ATRNL1: variants seen among roughly 807,000 people sequenced by gnomAD.
ATRNL1 encodes attractin like 1, also known as attractin-like protein 1.
A neutral mutation model predicts 182.7 loss-of-function variants in ATRNL1; 95 were observed. That is an observed-to-expected ratio of 0.52 (90% CI 0.44 to 0.62). ATRNL1 has a LOEUF of 0.62. ATRNL1 is among the 20% of genes least tolerant of loss of function. The pLI, the probability that ATRNL1 is intolerant of heterozygous loss-of-function variation, is 0.00. For missense variants in ATRNL1, 1,471 were observed against 1,679.5 expected, an observed-to-expected ratio of 0.88 and a Z score of 2.17; for synonymous variants, 576 against 568.3, an observed-to-expected ratio of 1.01 and a Z score of -0.19.
chr10:115,541,018 T>C (rs1852330681), intron 25 of ATRNL1, among the ~76,000 whole-genome samples: 1 of 152,188 alleles, frequency 6.6e-6, no homozygotes, highest in South Asian at 2.1e-4. Context: ...CATTAGAATA[T>C]AGAATGGATT....
At chr10:115,920,585 C>G (rs1953021647) in intron 28 of ATRNL1, among the ~76,000 whole-genome samples, 1 of 152,146 alleles carries the variant, frequency 6.6e-6, no homozygotes, top group South Asian at 2.1e-4. Flanking sequence ...GACTCATTTG[C>G]TAAAGGTCCC....
chr10:115,557,429 A>G lies in ATRNL1; in HGVS notation c.3795+7893A>G, dbSNP rs150140988. On this transcript the variant is annotated intron_variant, in intron 26 of 28. Transcript: ENST00000355044. Reference sequence around the variant, plus strand: ...GACAAGCACCCAGCATGAATACTGGAAAGCAGCTACCAATGAAGGTGGAGA... The same window carrying G: ...GACAAGCACCCAGCATGAATACTGGGAAGCAGCTACCAATGAAGGTGGAGA... Among the ~76,000 whole-genome samples the G allele has an allele frequency of 2.0e-4, 31 of 152,300 alleles. 1 individual carries two copies. The East Asian group carries it at 6.0e-3, about 29-fold the overall frequency.
rs1299663886 is a variant in ATRNL1 at position 115,200,965 on chromosome 10, T to C, written c.1349-14732T>C. Among the ~76,000 whole-genome samples the C allele has an allele frequency of 2.0e-3, 310 of 151,416 alleles. 1 individual carries two copies. Among genetic ancestry groups the C allele is most frequent in the African/African-American group, 7.3e-3 (300 of 41,354 alleles). On this transcript the variant is annotated intron_variant, in intron 8 of 28. Coordinates refer to ENST00000355044, the MANE Select transcript of ATRNL1 (RefSeq NM_207303.4). ...TCTCATTGTGGTTTTGATTTGCATT[T>C]CTCTGATGGCCAGTGATGATGAGCA...
At chr10:115,718,323 T>C (rs1947318347) in intron 26 of ATRNL1, among the ~76,000 whole-genome samples, 2 of 150,718 alleles carry the variant, frequency 1.3e-5, no homozygotes, top group Admixed American at 1.3e-4. Flanking sequence ...GCAATTTTTT[T>C]CCATAATACT....
At chr10:115,395,902 G>T (rs1315799277) in intron 20 of ATRNL1, among the ~76,000 whole-genome samples, 2 of 150,946 alleles carry the variant, frequency 1.3e-5, no homozygotes, top group Non-Finnish European at 3.0e-5. Context: ...TTTATATTAG[G>T]TATATATGTA....
intron 27 of ATRNL1, among the ~76,000 whole-genome samples, chr10:115,798,139 G>T (rs1362948731): frequency 1.3e-5 from 2 of 151,980 alleles, no homozygotes; most frequent in Non-Finnish European, 2.9e-5. Context: ...GGATGGTCTC[G>T]ATCTCCTGAC....
rs556554667 is a variant in ATRNL1 at position 115,912,444 on chromosome 10, A to G, written c.4019-32214A>G. Among the ~76,000 whole-genome samples, 517 of 150,998 alleles carry G rather than the reference A, an allele frequency of 3.4e-3. 3 individuals carry two copies. The Middle Eastern group carries it at 0.051, about 15-fold the overall frequency. The stretch of plus-strand genomic sequence containing the variant: ...TGTGTGTGTGTGTGTGTGTGTGCAT[A>G]TGATGAAACAGGCACATTTTAAAAA... On this transcript the variant is annotated intron_variant, in intron 28 of 28. Transcript: ENST00000355044.
chr10:115,239,296 G>A (rs948263919), intron 9 of ATRNL1, among the ~76,000 whole-genome samples: 1 of 151,838 alleles, frequency 6.6e-6, no homozygotes, highest in Non-Finnish European at 1.5e-5. Context: ...GCAGTGGTGC[G>A]ATCTCAGCTC....
intron 26 of ATRNL1, among the ~76,000 whole-genome samples, chr10:115,656,593 C>A (rs1860349139): frequency 6.6e-6 from 1 of 152,022 alleles, no homozygotes; most frequent in Non-Finnish European, 1.5e-5. Flanking sequence ...CCACCCACCA[C>A]CCTGAACTGG....
chr10:115,749,597 A>C (rs1347194124), intron 27 of ATRNL1, among the ~76,000 whole-genome samples: 2 of 151,944 alleles, frequency 1.3e-5, no homozygotes, highest in African/African-American at 4.8e-5. Context: ...AATAATGTTT[A>C]AAACTGATCT....
chr10:115,497,818 C>T (rs1266879056), intron 24 of ATRNL1, among the ~76,000 whole-genome samples: 3 of 151,988 alleles, frequency 2.0e-5, no homozygotes, highest in Non-Finnish European at 4.4e-5. Context: ...CCACCATGTC[C>T]AGCTAATTTT....
intron 25 of ATRNL1, among the ~76,000 whole-genome samples, chr10:115,536,457 C>A (rs987515701): frequency 6.6e-6 from 1 of 152,176 alleles, no homozygotes; most frequent in Non-Finnish European, 1.5e-5. Flanking sequence ...TTTTTAAGCC[C>A]GTCGGAAATG....
intron 20 of ATRNL1, among the ~76,000 whole-genome samples, chr10:115,418,978 TACA>T: frequency 6.6e-6 from 1 of 152,200 alleles, no homozygotes; most frequent in Non-Finnish European, 1.5e-5. Context: ...AAAGAATACT[TACA>T]TTGATTGTTA....
At chr10:115,378,937 A>C (rs771253360) in intron 19 of ATRNL1, among the ~76,000 whole-genome samples, 7 of 152,236 alleles carry the variant, frequency 4.6e-5, no homozygotes, top group Non-Finnish European at 1.0e-4. Flanking sequence ...GCAAGCAAGG[A>C]AATAATGATA....
intron 28 of ATRNL1, among the ~76,000 whole-genome samples, chr10:115,908,089 G>A (rs1952557774): frequency 6.6e-6 from 1 of 152,110 alleles, no homozygotes; most frequent in Admixed American, 6.5e-5. Flanking sequence ...ACAAGAAACA[G>A]CAGAGAACAG....
At chr10:115,943,255 T>G (rs1953781865) in intron 28 of ATRNL1, among the ~76,000 whole-genome samples, 1 of 152,132 alleles carries the variant, frequency 6.6e-6, no homozygotes, top group Non-Finnish European at 1.5e-5. Context: ...GGGAAAAAAA[T>G]ATTTACAAAA....
chr10:115,928,509 T>C (rs1298027833), intron 28 of ATRNL1, among the ~76,000 whole-genome samples: 2 of 152,016 alleles, frequency 1.3e-5, no homozygotes, highest in Non-Finnish European at 2.9e-5. Flanking sequence ...GTGAAGCTTG[T>C]ATTAATTACC....
chr10:115,594,179 C>T (rs1242769426), intron 26 of ATRNL1, among the ~76,000 whole-genome samples: 1 of 151,888 alleles, frequency 6.6e-6, no homozygotes, highest in Non-Finnish European at 1.5e-5. Flanking sequence ...CTTTGATATC[C>T]AAAAGCAATA....
chr10:115,367,281 G>A (rs1437694747), intron 19 of ATRNL1, among the ~76,000 whole-genome samples: 36 of 134,902 alleles, frequency 2.7e-4, no homozygotes, highest in Middle Eastern at 3.6e-3. Context: ...ATCTTCCATC[G>A]CTGATACCCT....
Sources: allele counts gnomAD v4.1 joint callset (sites outside exome capture counted in the v4.1 genomes callset), GRCh38; gene constraint gnomAD v4.1.1; transcripts MANE v1.5; gene names NCBI Gene and HGNC (gene_info 2026-07-23, HGNC 2026-07-21).